APBB2: variants seen among roughly 807,000 people sequenced by gnomAD.
The protein encoded by APBB2 is amyloid beta precursor protein binding family B member 2.
APBB2 carries 38 observed loss-of-function variants against 82.5 expected under a neutral mutation model. The observed-to-expected ratio is 0.46, with a 90% CI of 0.36 to 0.60. The LOEUF (loss-of-function observed/expected upper bound fraction) is 0.60. APBB2 is among the 20% of genes least tolerant of loss of function. The probability of loss-of-function intolerance (pLI) is 0.00; values close to 1 mark genes in which losing one functional copy is unlikely to be tolerated. For missense variants in APBB2, 772 were observed against 972.3 expected, an observed-to-expected ratio of 0.79 and a Z score of 2.74; for synonymous variants, 341 against 368.2, an observed-to-expected ratio of 0.93 and a Z score of 0.85.
At chr4:41,175,869 T>A (rs1769631507) in intron 1 of APBB2, among the ~76,000 whole-genome samples, 1 of 152,194 alleles carries the variant, frequency 6.6e-6, no homozygotes. Context: ...TATTCACAAG[T>A]ATTTTAAAGT....
intron 4 of APBB2, among the ~76,000 whole-genome samples, chr4:41,061,623 T>C (rs1444768500): frequency 2.0e-5 from 3 of 152,238 alleles, no homozygotes; most frequent in African/African-American, 4.8e-5. Context: ...GATTGAAACA[T>C]TGTTATGTGG....
intron 12 of APBB2, among the ~76,000 whole-genome samples, chr4:40,845,940 G>A (rs956018115): frequency 1.6e-5 from 2 of 127,066 alleles, no homozygotes; most frequent in Non-Finnish European, 3.2e-5. Flanking sequence ...TCCTGAGTCT[G>A]ACAGTTTATT....
At chr4:41,028,107 G>A (rs1319456861) in intron 5 of APBB2, among the ~76,000 whole-genome samples, 2 of 152,056 alleles carry the variant, frequency 1.3e-5, no homozygotes, top group Admixed American at 6.5e-5. Context: ...ATTTTCTAGG[G>A]GAATCAGCCT....
intron 1 of APBB2, among the ~76,000 whole-genome samples, chr4:41,169,588 A>G (rs984236006): frequency 6.6e-6 from 1 of 152,252 alleles, no homozygotes. Flanking sequence ...AGCTTTGCAT[A>G]CTAAAGCTTC....
At chr4:41,145,714 A>G (rs981351658) in intron 1 of APBB2, among the ~76,000 whole-genome samples, 1 of 152,018 alleles carries the variant, frequency 6.6e-6, no homozygotes, top group Non-Finnish European at 1.5e-5. Context: ...CTACAGTCCC[A>G]CTGTTCAAAG....
intron 7 of APBB2, among the ~76,000 whole-genome samples, chr4:40,937,712 A>C (rs1237061868): frequency 1.3e-5 from 2 of 152,240 alleles, no homozygotes; most frequent in Non-Finnish European, 2.9e-5. Context: ...ATCAAATATG[A>C]CAAACTTTCT....
At chr4:40,873,171 G>A (rs1342883609) in intron 12 of APBB2, among the ~76,000 whole-genome samples, 1 of 151,980 alleles carries the variant, frequency 6.6e-6, no homozygotes, top group African/African-American at 2.4e-5. Context: ...TACTTCTGTG[G>A]TATAATCTGC....
rs1577602598 is a variant in APBB2 at position 40,811,601 on chromosome 4, T to C, written c.*4491A>G. On this transcript the variant is annotated 3_prime_UTR_variant, in exon 18 of 18. Transcript: ENST00000508593. ...TAATGAAGGAGAATATTGATTCCAC[T>C]GACATGTTTCATTTGGCATTTTACA... The C allele has an allele frequency of 1.3e-5, 2 of 152,062 alleles. No individual in the cohort carries two copies. Among genetic ancestry groups the C allele is most frequent in the African/African-American group, 4.8e-5 (2 of 41,460 alleles). 9.4% of individuals were successfully genotyped at this position (152,062 alleles called of 1,614,324 possible).
intron 11 of APBB2, among the ~76,000 whole-genome samples, chr4:40,891,386 G>A (rs1771985270): frequency 6.6e-6 from 1 of 152,112 alleles, no homozygotes; most frequent in Non-Finnish European, 1.5e-5. Flanking sequence ...TTGCACAGCT[G>A]AAAGACTCTC....
intron 3 of APBB2, among the ~76,000 whole-genome samples, chr4:41,069,352 T>C (rs145142212): frequency 2.0e-4 from 30 of 152,300 alleles, no homozygotes; most frequent in African/African-American, 5.8e-4. Context: ...TGGAGTGACT[T>C]TATACTTGGA....
chr4:40,880,811 C>T (rs766039302), intron 12 of APBB2: 64 of 985,296 alleles, frequency 6.5e-5, no homozygotes, highest in East Asian at 2.3e-4. Context: ...AGCCCCCACA[C>T]GTCACTGGCT....
intron 3 of APBB2, among the ~76,000 whole-genome samples, chr4:41,074,158 C>T (rs1471149259): frequency 6.6e-6 from 1 of 152,140 alleles, no homozygotes; most frequent in Non-Finnish European, 1.5e-5. Context: ...AGGTTGAAAA[C>T]ATTAGCAGAA....
chr4:40,846,018 GTGTGTGTGTGT>G (rs1757502556), intron 12 of APBB2, among the ~76,000 whole-genome samples: 20 of 3,214 alleles, frequency 6.2e-3, no homozygotes, highest in East Asian at 0.071. Flanking sequence ...TGAGTGGGGT[GTGTGTGTGTGT>G]GTGTGTGTGT....
At chr4:40,864,658 A>C (rs577877001) in intron 12 of APBB2, among the ~76,000 whole-genome samples, 12 of 151,714 alleles carry the variant, frequency 7.9e-5, no homozygotes, top group South Asian at 6.3e-4. Context: ...CAGCAGAAAA[A>C]ACCTCCCACT....
At chr4:41,042,211 C>G (rs12505276) in intron 4 of APBB2, among the ~76,000 whole-genome samples, 41,540 of 151,888 alleles carry the variant, frequency 0.27, 6,684 homozygotes, top group East Asian at 0.55. Flanking sequence ...GGATGGTCTT[C>G]ATCTCCTGAT....
chr4:40,844,864 C>T (rs1757036208), intron 12 of APBB2, among the ~76,000 whole-genome samples: 1 of 152,236 alleles, frequency 6.6e-6, no homozygotes, highest in African/African-American at 2.4e-5. Flanking sequence ...TTAATTACAC[C>T]AAATGTTTTC....
At chr4:41,167,660 C>T (rs986932801) in intron 1 of APBB2, among the ~76,000 whole-genome samples, 2 of 152,230 alleles carry the variant, frequency 1.3e-5, no homozygotes, top group Non-Finnish European at 2.9e-5. Context: ...CAGAGAGCCA[C>T]CAGCCCCCAT....
rs754119177 is a variant in APBB2, at chr4:41,013,701, T to C, written c.717A>G (p.Thr239=). Residue 239 remains threonine, a synonymous_variant, in exon 6 of 18, where the codon ACA becomes ACG. Coordinates refer to ENST00000508593, the MANE Select transcript of APBB2 (RefSeq NM_004307.2). The part of the protein sequence containing the change: ...SPETKKDHPK[T]GAKTDCALHR... ...GCAGTGCACAGTCGGTTTTGGCCCC[T>C]GTTTTCGGATGATCCTTCTTGGTTT... is the stretch of plus-strand genomic sequence containing the variant. The C allele has an allele frequency of 1.6e-4, 251 of 1,614,044 alleles. No homozygotes were observed. The highest frequency in any genetic ancestry group is 1.2e-4 in the Non-Finnish European group (147 of 1,179,946).
chr4:40,858,862 T>G (rs897933652), intron 12 of APBB2, among the ~76,000 whole-genome samples: 7 of 152,244 alleles, frequency 4.6e-5, no homozygotes, highest in African/African-American at 1.4e-4. Context: ...TTATTGACAG[T>G]AAACTGCTTT....
Sources: allele counts gnomAD v4.1 joint callset (sites outside exome capture counted in the v4.1 genomes callset), GRCh38; gene constraint gnomAD v4.1.1; transcripts MANE v1.5; gene names NCBI Gene and HGNC (gene_info 2026-07-23, HGNC 2026-07-21).